CACNA1D: variants seen among roughly 807,000 people sequenced by gnomAD.
The protein encoded by CACNA1D is voltage-dependent L-type calcium channel subunit alpha-1D.
CACNA1D carries 55 observed loss-of-function variants against 257.1 expected under a neutral mutation model. That is an observed-to-expected ratio of 0.21 (90% confidence interval 0.17 to 0.27). CACNA1D has a LOEUF of 0.27. Among genes scored for constraint, CACNA1D ranks in the 10% least tolerant of loss-of-function variants. The pLI is 1.00. For synonymous variants in CACNA1D, 980 were observed against 1,014.9 expected (o/e 0.97, Z 0.65); for missense variants, 1,876 against 2,784.0 (o/e 0.67, Z 7.34).
intron 3 of CACNA1D, among the ~76,000 whole-genome samples, chr3:53,605,193 G>C (rs572032331): frequency 6.6e-6 from 1 of 152,322 alleles, no homozygotes; most frequent in Admixed American, 6.5e-5. Context: ...CGCGACTGTG[G>C]GTAGGGAGAT....
At chr3:53,521,189 GC>G (rs1381032357) in intron 3 of CACNA1D, among the ~76,000 whole-genome samples, 2 of 151,980 alleles carry the variant, frequency 1.3e-5, no homozygotes, top group African/African-American at 4.8e-5. Context: ...ACAGGTGTGT[GC>G]CACCCAACCT....
chr3:53,535,546 A>C (rs1027791978), intron 3 of CACNA1D, among the ~76,000 whole-genome samples: 13 of 152,200 alleles, frequency 8.5e-5, no homozygotes, highest in African/African-American at 3.1e-4. Flanking sequence ...CAGGGTTATA[A>C]ATTAGAGCTC....
intron 18 of CACNA1D, among the ~76,000 whole-genome samples, chr3:53,732,367 CACTTTTAT>C (rs1408269227): frequency 6.6e-6 from 1 of 152,204 alleles, no homozygotes; most frequent in African/African-American, 2.4e-5. Flanking sequence ...GCTCACCTGA[CACTTTTAT>C]ATTTGACTGG....
At chr3:53,644,380 A>G (rs975034275) in intron 3 of CACNA1D, among the ~76,000 whole-genome samples, 2 of 152,238 alleles carry the variant, frequency 1.3e-5, no homozygotes, top group Non-Finnish European at 2.9e-5. Flanking sequence ...TGTTGTAACT[A>G]TAGCCACTAT....
intron 3 of CACNA1D, among the ~76,000 whole-genome samples, chr3:53,649,544 A>G (rs1388176052): frequency 6.6e-6 from 1 of 151,958 alleles, no homozygotes; most frequent in Non-Finnish European, 1.5e-5. Context: ...CCCCACACCA[A>G]CAGACTAAAT....
At chr3:53,521,154 C>G (rs1214138423) in intron 3 of CACNA1D, among the ~76,000 whole-genome samples, 1 of 152,052 alleles carries the variant, frequency 6.6e-6, no homozygotes, top group African/African-American at 2.4e-5. Context: ...ATCCTCCTGC[C>G]TCAGCTTCCT....
chr3:53,665,888 G>T (rs2094256747), intron 6 of CACNA1D, 76 bp downstream of exon 6: 1 of 1,223,346 alleles, frequency 8.2e-7, no homozygotes. Context: ...ATGGTTTGGG[G>T]AAAATCTAAA....
At chr3:53,714,985 A>G (rs918368008) in intron 9 of CACNA1D, among the ~76,000 whole-genome samples, 1 of 152,352 alleles carries the variant, frequency 6.6e-6, no homozygotes, top group Non-Finnish European at 1.5e-5. Context: ...TTTTTAATAA[A>G]TGAGGTCTTT....
At chr3:53,636,856 T>C (rs1235954037) in intron 3 of CACNA1D, among the ~76,000 whole-genome samples, 2 of 152,238 alleles carry the variant, frequency 1.3e-5, no homozygotes, top group African/African-American at 2.4e-5. Flanking sequence ...GTGCAGATCC[T>C]CTGGAGAAAT....
At chr3:53,729,175 C>T (rs1307385959) in intron 15 of CACNA1D, among the ~76,000 whole-genome samples, 1 of 152,188 alleles carries the variant, frequency 6.6e-6, no homozygotes, top group Non-Finnish European at 1.5e-5. Context: ...CTAATTGCTT[C>T]CTGAGGCTCA....
rs143841559 is a variant in CACNA1D, at chr3:53,762,012, C to T, written c.3801C>T (p.Asp1267=). The T allele has an allele frequency of 1.4e-5, 22 of 1,612,646 alleles. No homozygotes were observed. The highest frequency in any genetic ancestry group is 1.2e-4 in the African/African-American group (9 of 74,882). Residue 1267 remains aspartate (D), a synonymous_variant, in exon 30 of 48, where the codon GAC becomes GAT. Coordinates refer to ENST00000350061, the MANE Select transcript of CACNA1D (RefSeq NM_001128840.3). Reference sequence around the variant, plus strand: ...GCTCTGTCCAGGGGTATTTTAGTGACGCCTGGAACACGTTTGACTCCCTCA... The same window carrying T: ...GCTCTGTCCAGGGGTATTTTAGTGATGCCTGGAACACGTTTGACTCCCTCA... The part of the protein sequence containing the change: ...IAFKPKGYFS[D]AWNTFDSLIV...
intron 30 of CACNA1D, among the ~76,000 whole-genome samples, chr3:53,768,954 C>G (rs770415783): frequency 6.6e-6 from 1 of 152,204 alleles, no homozygotes; most frequent in East Asian, 1.9e-4. Flanking sequence ...CCTCATTTCT[C>G]TCTGTCGGCT....
Position 53,724,021 on chromosome 3 carries a change from C to T in CACNA1D, c.2100+22C>T, listed in dbSNP as rs372893036. The T allele has an allele frequency of 4.0e-5, 63 of 1,592,430 alleles. No individual in the cohort carries two copies. In the African/African-American group the frequency reaches 6.3e-4, roughly 16 times the overall value. ...CCAGGTGAGTCCTCCCTCCATTCCC[C>T]GAAAAGCACTTCGTGAGCAGCAGCT... On this transcript the variant is annotated intron_variant, in intron 14 of 47. Coordinates refer to ENST00000350061, the MANE Select transcript of CACNA1D (RefSeq NM_001128840.3).
chr3:53,639,859 CTTTT>C (rs34925431), intron 3 of CACNA1D, among the ~76,000 whole-genome samples: 1 of 102,072 alleles, frequency 9.8e-6, no homozygotes. Context: ...TCATTTCTTA[CTTTT>C]TTTTTTTTTT....
chr3:53,791,137 C>A lies in CACNA1D; in HGVS notation c.4923+4185C>A. The A allele has an allele frequency of 7.4e-6, 5 of 679,004 alleles. No homozygotes were observed. In the East Asian group the frequency reaches 8.1e-5, roughly 11 times the overall value. 42.1% of individuals were successfully genotyped at this position (679,004 alleles called of 1,614,324 possible). Reference sequence around the variant, plus strand: ...CAGAAGAAATGCAGGAAAAAGCAGACCCAAGGCCCCAGGGAGACCCCTTCC... The same window carrying A: ...CAGAAGAAATGCAGGAAAAAGCAGAACCAAGGCCCCAGGGAGACCCCTTCC... On this transcript the variant is annotated intron_variant, in intron 40 of 47. Coordinates refer to ENST00000350061, the MANE Select transcript of CACNA1D (RefSeq NM_001128840.3).
intron 3 of CACNA1D, among the ~76,000 whole-genome samples, chr3:53,517,752 G>A (rs765117309): frequency 6.6e-6 from 1 of 152,102 alleles, no homozygotes; most frequent in Non-Finnish European, 1.5e-5. Context: ...AAAGTGCTGG[G>A]ATTACAGGCA....
At chr3:53,580,442 C>T (rs1172312509) in intron 3 of CACNA1D, among the ~76,000 whole-genome samples, 1 of 152,372 alleles carries the variant, frequency 6.6e-6, no homozygotes, top group Middle Eastern at 3.4e-3. Flanking sequence ...TGGCCATCTC[C>T]TCTGCATCTC....
At chr3:53,778,695 T>G (rs997048868) in intron 37 of CACNA1D, among the ~76,000 whole-genome samples, 8 of 152,222 alleles carry the variant, frequency 5.3e-5, no homozygotes, top group African/African-American at 1.9e-4. Flanking sequence ...CAGGTTGAAG[T>G]GACTGGGGTC....
At position 53,570,054 on chromosome 3, in the gene CACNA1D, A is replaced by G. The variant is rs3821848; in HGVS notation, c.483+68334A>G. Among the ~76,000 whole-genome samples, 1,833 of 150,280 alleles carry G rather than the reference A, an allele frequency of 0.012. 71 individuals are homozygous for G. In the East Asian group the frequency reaches 0.13, roughly 10 times the overall value. ...TTGCTTGCAATTCAAAACTTTTTGG[A>G]AAAAAAAATGTAATTATTCCTTTTA... is the stretch of plus-strand genomic sequence containing the variant. On this transcript the variant is annotated intron_variant, in intron 3 of 47. Coordinates refer to ENST00000350061, the MANE Select transcript of CACNA1D (RefSeq NM_001128840.3).
Sources: allele counts gnomAD v4.1 joint callset (sites outside exome capture counted in the v4.1 genomes callset), GRCh38; gene constraint gnomAD v4.1.1; transcripts MANE v1.5; gene names NCBI Gene and HGNC (gene_info 2026-07-23, HGNC 2026-07-21).